Variants in PCDH15 observed in about 807,000 individuals in gnomAD.
The protein encoded by PCDH15 is protocadherin-15.
PCDH15 carries 129 observed loss-of-function variants against 178.5 expected under a neutral mutation model. That is an observed-to-expected ratio of 0.72 (90% CI 0.63 to 0.84). The LOEUF is 0.84. PCDH15 is among the 40% of genes least tolerant of loss of function. The pLI is 0.00. For missense variants in PCDH15, 2,230 were observed against 2,099.9 expected, an observed-to-expected ratio of 1.06 and a Z score of -1.21; for synonymous variants, 800 against 732.0, an observed-to-expected ratio of 1.09 and a Z score of -1.50.
chr10:54,346,862 T>C (rs982875128), intron 5 of PCDH15, among the ~76,000 whole-genome samples: 1 of 152,222 alleles, frequency 6.6e-6, no homozygotes, highest in African/African-American at 2.4e-5. Flanking sequence ...AAAAAGTTAG[T>C]TTAAAATAAA....
intron 1 of PCDH15, among the ~76,000 whole-genome samples, chr10:55,234,916 T>C (rs1208126209): frequency 6.6e-6 from 1 of 151,592 alleles, no homozygotes; most frequent in Non-Finnish European, 1.5e-5. Flanking sequence ...TTATTATTTT[T>C]CTAATATAGG....
chr10:54,010,084 G>A (rs12415408), intron 20 of PCDH15, among the ~76,000 whole-genome samples: 34,734 of 152,058 alleles, frequency 0.23, 4,257 homozygotes, highest in East Asian at 0.45. Flanking sequence ...TGAGTTCCTG[G>A]GTCGGGAGCA....
At chr10:54,804,196 C>T (rs1185280991), upstream of PCDH15, among the ~76,000 whole-genome samples, 3 of 152,110 alleles carry the variant, frequency 2.0e-5, no homozygotes, top group African/African-American at 7.2e-5. Flanking sequence ...CCCACCACCA[C>T]GCCCAGCTAA....
intron 15 of PCDH15, among the ~76,000 whole-genome samples, chr10:54,101,368 T>G (rs1053698474): frequency 1.3e-5 from 2 of 152,090 alleles, no homozygotes; most frequent in Non-Finnish European, 2.9e-5. Flanking sequence ...TGGCAGTGGA[T>G]GGTGGGGAGG....
chr10:55,540,194 C>T (rs564525568), intron 2 of PCDH15, among the ~76,000 whole-genome samples: 3 of 152,046 alleles, frequency 2.0e-5, no homozygotes, highest in East Asian at 3.9e-4. Flanking sequence ...GTGAGATTCG[C>T]TTTTTAAAAA....
chr10:55,394,918 A>G (rs1279812344), intron 2 of PCDH15, among the ~76,000 whole-genome samples: 1 of 152,080 alleles, frequency 6.6e-6, no homozygotes, highest in Admixed American at 6.6e-5. Context: ...TCAACCATAT[A>G]CTTGCTTCCT....
chr10:54,357,280 A>G (rs1054809549), intron 5 of PCDH15, among the ~76,000 whole-genome samples: 4 of 152,194 alleles, frequency 2.6e-5, no homozygotes, highest in Admixed American at 2.6e-4. Flanking sequence ...TCTCAGCCCA[A>G]AATCTCCTTA....
intron 11 of PCDH15, among the ~76,000 whole-genome samples, chr10:54,190,757 C>A (rs1472157669): frequency 6.6e-6 from 1 of 152,240 alleles, no homozygotes; most frequent in African/African-American, 2.4e-5. Context: ...ACTAAAATGG[C>A]TTTAAAGTTT....
Position 53,812,943 on chromosome 10 carries a change from T to C in PCDH15, c.4492-1324A>G, listed in dbSNP as rs1270242539. On this transcript the variant is annotated intron_variant, in intron 35 of 37. Coordinates refer to ENST00000644397, the MANE Select transcript of PCDH15 (RefSeq NM_001384140.1). ...GCACAAATATGTCATTTGCGAAGTG[T>C]GGAAATTTACAGCCTGCATGATTGA... Among the ~76,000 whole-genome samples, 4 of 152,220 alleles carry C rather than the reference T, an allele frequency of 2.6e-5. No individual in the cohort carries two copies. The East Asian group carries it at 7.7e-4, about 29-fold the overall frequency.
At chr10:53,881,116 TAA>T (rs1396990582) in intron 26 of PCDH15, among the ~76,000 whole-genome samples, 1 of 152,218 alleles carries the variant, frequency 6.6e-6, no homozygotes, top group Non-Finnish European at 1.5e-5. Context: ...ACAAGTTTGC[TAA>T]AAAGAAATGG....
chr10:54,075,857 T>C (rs756232596), intron 17 of PCDH15, among the ~76,000 whole-genome samples: 1 of 152,182 alleles, frequency 6.6e-6, no homozygotes, highest in Non-Finnish European at 1.5e-5. Flanking sequence ...TGTAGCTTTG[T>C]AGTTAGTTTG....
intron 23 of PCDH15, among the ~76,000 whole-genome samples, chr10:53,947,565 C>A (rs931552205): frequency 6.6e-5 from 10 of 150,998 alleles, no homozygotes; most frequent in Admixed American, 2.0e-4. Context: ...AAAAAAAAAA[C>A]ACCCACTAGA....
chr10:55,426,147 C>T (rs1264990973), intron 2 of PCDH15, among the ~76,000 whole-genome samples: 4 of 152,060 alleles, frequency 2.6e-5, no homozygotes, highest in East Asian at 1.9e-4. Context: ...TAATTAAATG[C>T]ATTATGTAAA....
intron 11 of PCDH15, among the ~76,000 whole-genome samples, chr10:54,192,740 TA>T (rs1409477154): frequency 6.6e-6 from 1 of 152,156 alleles, no homozygotes; most frequent in Non-Finnish European, 1.5e-5. Context: ...CACCATAGAT[TA>T]TTTTAGAAAG....
chr10:55,418,018 A>G (rs1838526581), intron 2 of PCDH15, among the ~76,000 whole-genome samples: 1 of 151,726 alleles, frequency 6.6e-6, no homozygotes, highest in Admixed American at 6.6e-5. Context: ...AATGTCCAGT[A>G]GGAAAAGATA....
intron 20 of PCDH15, among the ~76,000 whole-genome samples, chr10:54,016,040 C>T (rs1283594434): frequency 1.3e-5 from 2 of 152,090 alleles, no homozygotes; most frequent in African/African-American, 4.8e-5. Flanking sequence ...GTCAAATATC[C>T]AGAATCTATA....
chr10:54,324,430 A>C (rs1418374), intron 7 of PCDH15, among the ~76,000 whole-genome samples: 107,216 of 151,962 alleles, frequency 0.71, 38,565 homozygotes, highest in Middle Eastern at 0.81. Flanking sequence ...CTATTCATAA[A>C]ATAATTTAGA....
intron 2 of PCDH15, among the ~76,000 whole-genome samples, chr10:55,552,917 A>T (rs1842027408): frequency 6.6e-6 from 1 of 151,702 alleles, no homozygotes; most frequent in Non-Finnish European, 1.5e-5. Context: ...AAATATGTTA[A>T]TCCATGTAAT....
At chr10:53,971,462 A>C (rs1416679955) in intron 21 of PCDH15, among the ~76,000 whole-genome samples, 1 of 152,246 alleles carries the variant, frequency 6.6e-6, no homozygotes, top group Non-Finnish European at 1.5e-5. Context: ...AGAAAGAAAT[A>C]AATGATATTC....
Sources: gnomAD v4.1 joint callset for allele counts (sites outside exome capture counted in the v4.1 genomes callset) on GRCh38, gnomAD v4.1.1 for gene constraint, MANE v1.5 for transcripts, NCBI Gene and HGNC (gene_info 2026-07-23, HGNC 2026-07-21) for gene names.